Variants in ERBIN observed in about 807,000 individuals in gnomAD.
The protein encoded by ERBIN is erbb2 interacting protein.
ERBIN carries 60 observed loss-of-function variants against 158.4 expected under a neutral mutation model. That is an observed-to-expected ratio of 0.38 (90% CI 0.31 to 0.47). The LOEUF (loss-of-function observed/expected upper bound fraction) is 0.47, where lower values mean the gene tolerates loss of function less well. ERBIN is among the 20% of genes least tolerant of loss of function. The pLI is 0.99. For missense variants in ERBIN, 1,610 were observed against 1,648.0 expected, an observed-to-expected ratio of 0.98 and a Z score of 0.40; for synonymous variants, 594 against 557.2, an observed-to-expected ratio of 1.07 and a Z score of -0.93.
intron 1 of ERBIN, among the ~76,000 whole-genome samples, chr5:65,935,456 A>G (rs1743962764): frequency 6.6e-6 from 1 of 152,228 alleles, no homozygotes; most frequent in Non-Finnish European, 1.5e-5. Context: ...CATTTGTTCA[A>G]ACATTTTTGA....
At chr5:66,030,319 G>A (rs1357616864) in intron 14 of ERBIN, among the ~76,000 whole-genome samples, 10 of 152,188 alleles carry the variant, frequency 6.6e-5, no homozygotes, top group African/African-American at 2.4e-4. Flanking sequence ...TGGGATTACA[G>A]GTGTGAGCCA....
intron 1 of ERBIN, among the ~76,000 whole-genome samples, chr5:65,957,599 C>T (rs1288363207): frequency 6.6e-6 from 1 of 152,218 alleles, no homozygotes; most frequent in Non-Finnish European, 1.5e-5. Flanking sequence ...AAAATGGAGT[C>T]TCCCATGTCT....
chr5:65,989,033 C>G (rs374848665), intron 2 of ERBIN, among the ~76,000 whole-genome samples: 896 of 63,084 alleles, frequency 0.014, 11 homozygotes, highest in African/African-American at 0.031. Context: ...TTTTCTGGGT[C>G]GACACTTTCT....
intron 19 of ERBIN, among the ~76,000 whole-genome samples, chr5:66,050,106 A>C (rs1257234663): frequency 1.3e-5 from 2 of 152,102 alleles, no homozygotes; most frequent in Non-Finnish European, 2.9e-5. Flanking sequence ...AAAGGTTGTA[A>C]ATGAATTTTC....
chr5:66,053,726 A>C lies in ERBIN; in HGVS notation c.2408A>C (p.Glu803Ala). Reference protein sequence around the residue: ...TSFLSINSKEETEHLENGNKY... With the variant: ...TSFLSINSKEATEHLENGNKY... ...TTTTTAAGCATTAATTCTAAAGAGG[A>C]AACTGAGCACTTGGAAAATGGAAAC... The change falls in exon 21 of 26, where the codon GAA becomes GCA. Residue 803 changes from glutamate to alanine, a missense_variant. Transcript: ENST00000284037. 6.2e-7 allele frequency: 1 copy of C among 1,613,888 alleles called. No individual in the cohort carries two copies. Among genetic ancestry groups the C allele is most frequent in the Non-Finnish European group, 8.5e-7 (1 of 1,179,998 alleles).
intron 1 of ERBIN, among the ~76,000 whole-genome samples, chr5:65,941,313 T>TAAAAA (rs1217469941): frequency 1.3e-4 from 8 of 59,942 alleles, no homozygotes; most frequent in Non-Finnish European, 2.6e-4. Context: ...GAATGATCAA[T>TAAAAA]AAAAAAAAAA....
At position 66,023,729 on chromosome 5, in the gene ERBIN, G is replaced by A. The variant is rs1419677069; in HGVS notation, c.672+365G>A. On this transcript the variant is annotated intron_variant, in intron 9 of 25. Coordinates refer to ENST00000284037, the MANE Select transcript of ERBIN (RefSeq NM_001253697.2). ...CTCGCTCTGTTGCCCAGGCTGGAGT[G>A]CAGTGGTGCGATCTCGGCTCACTGC... Among the ~76,000 whole-genome samples, 16 of 148,322 alleles carry A rather than the reference G, an allele frequency of 1.1e-4. No homozygotes were observed. The Admixed American group carries it at 1.1e-3, about 10-fold the overall frequency.
At chr5:66,066,535 A>C (rs867254410) in intron 21 of ERBIN, among the ~76,000 whole-genome samples, 4 of 151,020 alleles carry the variant, frequency 2.6e-5, no homozygotes, top group East Asian at 1.9e-4. Flanking sequence ...AAAAAAAAAA[A>C]CAAAAAAAAC....
At chr5:66,073,849 A>G (rs749439707) in intron 22 of ERBIN, among the ~76,000 whole-genome samples, 9 of 152,034 alleles carry the variant, frequency 5.9e-5, no homozygotes, top group Non-Finnish European at 1.0e-4. Context: ...ATCTTTTTAT[A>G]TGCAAATATT....
At position 65,986,046 on chromosome 5, in the gene ERBIN, T is replaced by C. The variant is rs2151028699; in HGVS notation, c.-57-2589T>C. Among the ~76,000 whole-genome samples the C allele has an allele frequency of 2.0e-5, 3 of 152,270 alleles. 1 individual carries two copies. Among genetic ancestry groups the C allele is most frequent in the Admixed American group, 2.0e-4 (3 of 15,292 alleles). On this transcript the variant is annotated intron_variant, in intron 1 of 25. Coordinates refer to ENST00000284037, the MANE Select transcript of ERBIN (RefSeq NM_001253697.2). ...AGTGTCCTTTGCTGGTCATCTATAA[T>C]GTTTTGGGGCTCAGCCATTGAACTT...
intron 14 of ERBIN, among the ~76,000 whole-genome samples, chr5:66,031,639 T>A (rs1756889940): frequency 6.6e-6 from 1 of 152,106 alleles, no homozygotes; most frequent in Non-Finnish European, 1.5e-5. Flanking sequence ...GAGACCAACC[T>A]GGGAAACATA....
chr5:66,048,352 C>T (rs994681513), intron 18 of ERBIN, among the ~76,000 whole-genome samples: 2 of 151,752 alleles, frequency 1.3e-5, no homozygotes, highest in African/African-American at 4.8e-5. Flanking sequence ...ATTCATAGAG[C>T]TATATATGGT....
At position 66,072,240 on chromosome 5, in the gene ERBIN, C is replaced by G. The variant is rs1393721120; in HGVS notation, c.3705C>G (p.Tyr1235Ter). ...DGIFISGQQN[Y>*]SSATLSHKDV... ...TATTCATTTCAGGACAGCAGAACTA[C>G]TCATCAGCCACACTTAGTCACAAAG... Residue 1235 changes from tyrosine (Y) to a stop codon, truncating the protein, a stop_gained, in exon 22 of 26, where the codon TAC becomes TAG. Transcript: ENST00000284037. LOFTEE classifies it high-confidence loss of function. The G allele has an allele frequency of 6.5e-7, 1 of 1,550,306 alleles. No homozygotes were observed. Among genetic ancestry groups the G allele is most frequent in the Non-Finnish European group, 8.7e-7 (1 of 1,146,902 alleles).
rs1389748743 is a variant in ERBIN, at chr5:66,081,402, G to C, written c.*2872G>C. The C allele has an allele frequency of 6.6e-6, 1 of 151,896 alleles. No homozygotes were observed. Among genetic ancestry groups the C allele is most frequent in the Non-Finnish European group, 1.5e-5 (1 of 67,896 alleles). 9.4% of individuals were successfully genotyped at this position (151,896 alleles called of 1,614,324 possible). A position where few individuals can be genotyped will look rare whatever the true frequency, so the allele number is the denominator to read the frequency against. On this transcript the variant is annotated 3_prime_UTR_variant, in exon 26 of 26. Coordinates refer to ENST00000284037, the MANE Select transcript of ERBIN (RefSeq NM_001253697.2). ...TTAAACACAAAACTTGCCATAAGCA[G>C]AACCAAACTTTTAAGTATTAATTTG...
intron 8 of ERBIN, among the ~76,000 whole-genome samples, chr5:66,022,340 T>C (rs1370172389): frequency 6.6e-6 from 1 of 152,250 alleles, no homozygotes; most frequent in Non-Finnish European, 1.5e-5. Context: ...AAATCGTCAT[T>C]AGTTTTTGTA....
At chr5:66,012,391 C>T (rs1754297550) in intron 5 of ERBIN, among the ~76,000 whole-genome samples, 1 of 152,134 alleles carries the variant, frequency 6.6e-6, no homozygotes, top group Non-Finnish European at 1.5e-5. Context: ...GAGTAGAATC[C>T]ACATTTCCTC....
intron 1 of ERBIN, among the ~76,000 whole-genome samples, chr5:65,948,762 GTTTTTTTTT>G (rs59712256): frequency 9.5e-6 from 1 of 105,624 alleles, no homozygotes; most frequent in Admixed American, 1.2e-4. Flanking sequence ...TCTGTTTTGC[GTTTTTTTTT>G]TTTTTTTTTT....
intron 17 of ERBIN, among the ~76,000 whole-genome samples, chr5:66,045,175 T>C (rs1225108455): frequency 2.6e-5 from 4 of 151,918 alleles, no homozygotes; most frequent in Non-Finnish European, 5.9e-5. Flanking sequence ...GCTATGATCA[T>C]GCCACAGCAC....
chr5:66,051,735 A>C (rs1759037815), intron 20 of ERBIN, among the ~76,000 whole-genome samples: 1 of 151,768 alleles, frequency 6.6e-6, no homozygotes, highest in Non-Finnish European at 1.5e-5. Context: ...CTACCAAAAA[A>C]AGTACAAAAG....
Sources: gnomAD v4.1 joint callset for allele counts (sites outside exome capture counted in the v4.1 genomes callset) on GRCh38, gnomAD v4.1.1 for gene constraint, MANE v1.5 for transcripts, NCBI Gene and HGNC (gene_info 2026-07-23, HGNC 2026-07-21) for gene names.